URI1: variants seen among roughly 807,000 people sequenced by gnomAD.
URI1 encodes URI1 prefoldin like chaperone, also known as unconventional prefoldin RPB5 interactor 1.
URI1 carries 39 observed loss-of-function variants against 60.2 expected under a neutral mutation model. That is an observed-to-expected ratio of 0.65 (90% CI 0.50 to 0.85). The LOEUF (loss-of-function observed/expected upper bound fraction) is 0.85, where lower values mean the gene tolerates loss of function less well. Among genes scored for constraint, URI1 ranks in the 40% least tolerant of loss-of-function variants. The pLI, the probability that URI1 is intolerant of heterozygous loss-of-function variation, is 0.00. For missense variants in URI1, 691 were observed against 665.9 expected, an observed-to-expected ratio of 1.04 and a Z score of -0.42; for synonymous variants, 251 against 236.8, an observed-to-expected ratio of 1.06 and a Z score of -0.55.
upstream of URI1, among the ~76,000 whole-genome samples, chr19:29,941,638 A>G (rs557673208): frequency 4.6e-4 from 70 of 152,158 alleles, no homozygotes; most frequent in African/African-American, 1.3e-3. Flanking sequence ...AAAAAAAAAA[A>G]AAAAGAAAAG....
At chr19:29,928,176 A>C (rs2054886530) in intron 1 of URI1, among the ~76,000 whole-genome samples, 1 of 152,056 alleles carries the variant, frequency 6.6e-6, no homozygotes, top group Non-Finnish European at 1.5e-5. Flanking sequence ...TCTGAATGAG[A>C]GCTGCCCGGC....
intron 8 of URI1, 86 bp from the exon 9 acceptor site, chr19:30,011,008 T>A: frequency 2.1e-6 from 3 of 1,433,284 alleles, no homozygotes; most frequent in Non-Finnish European, 2.8e-6. Flanking sequence ...TTACTATTAT[T>A]TTTTTAGTTA....
chr19:30,009,192 G>A lies in URI1; in HGVS notation c.874G>A (p.Gly292Ser), dbSNP rs376103188. The A allele has an allele frequency of 4.3e-6, 7 of 1,613,144 alleles. No individual in the cohort carries two copies. Among genetic ancestry groups the A allele is most frequent in the Non-Finnish European group, 5.1e-6 (6 of 1,179,844 alleles). The change falls in exon 8 of 11, where the codon GGT (glycine) becomes AGT (serine). Residue 292 changes from glycine to serine, a missense_variant. Coordinates refer to ENST00000392271, the MANE Select transcript of URI1 (RefSeq NM_003796.3). ...VNSQLNCSVN[G>S]SSSYHSDDDD... ...TAGTCAGTTGAACTGTTCAGTGAAT[G>A]GTTCCAGTTCTTACCACAGTGATGA...
chr19:29,927,560 C>CTTTTTTTTTTTTTTTTT lies in URI1; in HGVS notation c.63+3816_63+3832dup, dbSNP rs3049080. Among the ~76,000 whole-genome samples the CTTTTTTTTTTTTTTTTT allele has an allele frequency of 1.3e-4, 5 of 39,812 alleles. 2 individuals are homozygous for CTTTTTTTTTTTTTTTTT. The highest frequency in any genetic ancestry group is 6.4e-4 in the African/African-American group (5 of 7,840). 26.1% of individuals were successfully genotyped at this position (39,812 alleles called of 152,430 possible). A position where few individuals can be genotyped will look rare whatever the true frequency, so the allele number is the denominator to read the frequency against. Reference sequence around the variant, plus strand: ...TACAAGCATGAGCCACTGCACCCGGCTTTTTTTTTTTTTTTTTTTTTTTTT... The same window carrying CTTTTTTTTTTTTTTTTT: ...TACAAGCATGAGCCACTGCACCCGGCTTTTTTTTTTTTTTTTTTTTTTTTTTTTTTTTTTTTTTTTTT... On this transcript the variant is annotated intron_variant, in intron 1 of 10. Transcript: ENST00000360605.
At chr19:30,014,026 A>C (rs556747727) in intron 10 of URI1, among the ~76,000 whole-genome samples, 2 of 152,028 alleles carry the variant, frequency 1.3e-5, no homozygotes, top group Admixed American at 6.6e-5. Flanking sequence ...TCACCTGTCA[A>C]ATTTTCATTT....
chr19:29,965,201 C>T (rs907142818), intron 1 of URI1, among the ~76,000 whole-genome samples: 20 of 152,086 alleles, frequency 1.3e-4, no homozygotes, highest in African/African-American at 3.1e-4. Flanking sequence ...GCTCTGATGT[C>T]CAAAGTAAAT....
intron 2 of URI1, among the ~76,000 whole-genome samples, chr19:29,972,560 G>A (rs920474658): frequency 6.6e-6 from 1 of 152,116 alleles, no homozygotes; most frequent in African/African-American, 2.4e-5. Flanking sequence ...ATAAATGGGT[G>A]AATGGTAACT....
intron 1 of URI1, among the ~76,000 whole-genome samples, chr19:29,954,511 C>CTTTTTTTT (rs11411965): frequency 8.6e-6 from 1 of 115,918 alleles, no homozygotes; most frequent in Non-Finnish European, 1.7e-5. Context: ...TACAGATAAA[C>CTTTTTTTT]TTTTTTTTTT....
chr19:29,950,535 C>G (rs112262056), intron 1 of URI1, among the ~76,000 whole-genome samples: 1 of 152,076 alleles, frequency 6.6e-6, no homozygotes. Flanking sequence ...GCATTTTGTC[C>G]TATTTGCTTT....
Position 29,935,762 on chromosome 19 carries a change from C to CCTTTT in URI1, c.63+12031_63+12035dup, listed in dbSNP as rs3049083. ...TTCCACTGCCTCTGGGCCTCTGGTT[C>CCTTTT]CTTTTCTTTTCTTTTCTTTTCTTTT... On this transcript the variant is annotated intron_variant, in intron 1 of 10. Transcript: ENST00000360605. Among the ~76,000 whole-genome samples, 348 of 141,238 alleles carry CCTTTT rather than the reference C, an allele frequency of 2.5e-3. 1 individual carries two copies. The highest frequency in any genetic ancestry group is 8.6e-3 in the African/African-American group (322 of 37,488). The allele number at this position is 141,238 out of a possible 152,430, so 92.7% of individuals were successfully genotyped here.
At chr19:29,939,347 T>C (rs1568404762), upstream of URI1, among the ~76,000 whole-genome samples, 1 of 151,234 alleles carries the variant, frequency 6.6e-6, no homozygotes, top group African/African-American at 2.4e-5. Context: ...TGATCTCTGC[T>C]CACTGCAACC....
intron 1 of URI1, among the ~76,000 whole-genome samples, chr19:29,949,157 C>T (rs8108708): frequency 0.91 from 133,605 of 147,198 alleles, 60,964 homozygotes; most frequent in East Asian, 0.99. Flanking sequence ...CCAGATGGGG[C>T]GGCTGTGGGG....
At chr19:29,939,218 T>C (rs1480797741), upstream of URI1, among the ~76,000 whole-genome samples, 1 of 148,066 alleles carries the variant, frequency 6.8e-6, no homozygotes, top group East Asian at 2.0e-4. Context: ...CTGAGGTGAT[T>C]TGCCTGCCTT....
At chr19:29,931,266 A>G (rs1414095795) in intron 1 of URI1, among the ~76,000 whole-genome samples, 3 of 152,190 alleles carry the variant, frequency 2.0e-5, no homozygotes, top group Non-Finnish European at 4.4e-5. Flanking sequence ...ATACCATGAC[A>G]GGTGGCTTAA....
At chr19:29,960,686 T>C (rs2055311606) in intron 1 of URI1, among the ~76,000 whole-genome samples, 1 of 152,196 alleles carries the variant, frequency 6.6e-6, no homozygotes, top group Non-Finnish European at 1.5e-5. Flanking sequence ...CATATTGTTG[T>C]GGTTTTAATA....
intron 2 of URI1, among the ~76,000 whole-genome samples, chr19:29,980,822 T>C (rs897966955): frequency 1.3e-5 from 2 of 148,302 alleles, no homozygotes; most frequent in Non-Finnish European, 3.0e-5. Context: ...CTCAGGAGGC[T>C]GAGGCAGGAG....
At chr19:29,986,567 T>A in intron 4 of URI1, 150 bp downstream of exon 4, 4 of 975,894 alleles carry the variant, frequency 4.1e-6, no homozygotes, top group South Asian at 1.9e-5. Context: ...GTAGTTTGAG[T>A]AGAACCAACA....
At chr19:29,982,451 T>A (rs930672300) in intron 2 of URI1, among the ~76,000 whole-genome samples, 5 of 152,194 alleles carry the variant, frequency 3.3e-5, no homozygotes, top group Non-Finnish European at 7.4e-5. Flanking sequence ...ATAAGACTTA[T>A]TGAATGGTGA....
intron 1 of URI1, among the ~76,000 whole-genome samples, chr19:29,968,697 G>A (rs996655125): frequency 2.0e-5 from 3 of 147,298 alleles, no homozygotes; most frequent in Non-Finnish European, 3.0e-5. Context: ...TCAGCCTCCC[G>A]AGTAGCCAGG....
Sources: gnomAD v4.1 joint callset for allele counts (sites outside exome capture counted in the v4.1 genomes callset) on GRCh38, gnomAD v4.1.1 for gene constraint, MANE v1.5 for transcripts, NCBI Gene and HGNC (gene_info 2026-07-23, HGNC 2026-07-21) for gene names.